Variants in LDB2 observed in about 807,000 individuals in gnomAD.
The protein encoded by LDB2 is LIM domain binding 2.
A neutral mutation model predicts 44.3 loss-of-function variants in LDB2; 12 were observed. The ratio of observed to expected loss-of-function variants is 0.27; its 90% confidence interval spans 0.17 to 0.44. The LOEUF (loss-of-function observed/expected upper bound fraction) is 0.44. LDB2 is among the 20% of genes least tolerant of loss of function. The pLI is 1.00. For missense variants in LDB2, 344 were observed against 473.5 expected (o/e 0.73, Z 2.54); for synonymous variants, 164 against 174.8 (o/e 0.94, Z 0.49).
At chr4:16,575,227 C>T (rs745868458) in intron 5 of LDB2, among the ~76,000 whole-genome samples, 17 of 152,014 alleles carry the variant, frequency 1.1e-4, no homozygotes, top group Non-Finnish European at 2.2e-4. Flanking sequence ...AGAAATTGTA[C>T]GTAACCTGAT....
intron 2 of LDB2, among the ~76,000 whole-genome samples, chr4:16,635,230 T>C (rs1733252743): frequency 6.6e-6 from 1 of 152,160 alleles, no homozygotes; most frequent in South Asian, 2.1e-4. Flanking sequence ...CCATGGCACA[T>C]GTATACCTAT....
intron 1 of LDB2, among the ~76,000 whole-genome samples, chr4:16,772,846 G>C (rs1771002631): frequency 2.0e-5 from 3 of 152,184 alleles, no homozygotes; most frequent in Non-Finnish European, 4.4e-5. Context: ...TTCACACATG[G>C]TTTAAAATAA....
At chr4:16,814,580 G>A (rs1780563092) in intron 1 of LDB2, among the ~76,000 whole-genome samples, 1 of 152,182 alleles carries the variant, frequency 6.6e-6, no homozygotes, top group Non-Finnish European at 1.5e-5. Context: ...CAAGTTAACA[G>A]GAGTCACATT....
chr4:16,800,843 C>T (rs1388317949), intron 1 of LDB2, among the ~76,000 whole-genome samples: 1 of 152,112 alleles, frequency 6.6e-6, no homozygotes, highest in Non-Finnish European at 1.5e-5. Context: ...GCCCGGCTAA[C>T]TTTTTGTATT....
intron 1 of LDB2, among the ~76,000 whole-genome samples, chr4:16,792,408 G>C (rs1235482779): frequency 2.0e-5 from 3 of 152,162 alleles, no homozygotes; most frequent in African/African-American, 7.2e-5. Flanking sequence ...AATTTGATCT[G>C]ACTTCAGTCT....
At chr4:16,820,752 GA>G (rs200920075) in intron 1 of LDB2, among the ~76,000 whole-genome samples, 9 of 149,432 alleles carry the variant, frequency 6.0e-5, no homozygotes, top group East Asian at 3.9e-4. Context: ...AATTTTGAGA[GA>G]AAAAAAAACA....
intron 5 of LDB2, among the ~76,000 whole-genome samples, chr4:16,529,886 AT>A (rs1456570160): frequency 6.6e-6 from 1 of 152,206 alleles, no homozygotes; most frequent in Non-Finnish European, 1.5e-5. Flanking sequence ...CCATTCAGGC[AT>A]TGAGTCTCTA....
At chr4:16,803,920 G>A (rs1484587286) in intron 1 of LDB2, among the ~76,000 whole-genome samples, 2 of 152,150 alleles carry the variant, frequency 1.3e-5, no homozygotes, top group Non-Finnish European at 2.9e-5. Context: ...AAATCAGCCA[G>A]GTTTTGAGAA....
intron 2 of LDB2, among the ~76,000 whole-genome samples, chr4:16,724,000 A>G (rs976107266): frequency 1.3e-5 from 2 of 152,082 alleles, no homozygotes; most frequent in African/African-American, 2.4e-5. Flanking sequence ...ATCTTTCATC[A>G]ATTCATCTCC....
intron 2 of LDB2, chr4:16,750,703 C>T (rs559661177): frequency 6.6e-6 from 1 of 152,278 alleles, no homozygotes; most frequent in South Asian, 2.1e-4. Flanking sequence ...ACACAGGATG[C>T]TCAGTTAAAC....
chr4:16,770,131 C>T (rs1406189188), intron 1 of LDB2, among the ~76,000 whole-genome samples: 5 of 152,074 alleles, frequency 3.3e-5, no homozygotes, highest in African/African-American at 4.8e-5. Flanking sequence ...TTTTTTGCTA[C>T]CAGACTTATT....
At chr4:16,532,694 A>G (rs959628895) in intron 5 of LDB2, among the ~76,000 whole-genome samples, 10 of 152,166 alleles carry the variant, frequency 6.6e-5, no homozygotes, top group African/African-American at 2.4e-4. Flanking sequence ...ACCCTAATAG[A>G]CCATGTCTGT....
intron 2 of LDB2, among the ~76,000 whole-genome samples, chr4:16,729,722 G>A (rs370074671): frequency 7.2e-5 from 11 of 152,280 alleles, no homozygotes; most frequent in African/African-American, 2.6e-4. Flanking sequence ...TGAGCAAGCT[G>A]ATGTATTTTA....
chr4:16,523,423 A>T (rs1057378682), intron 5 of LDB2, among the ~76,000 whole-genome samples: 9 of 152,150 alleles, frequency 5.9e-5, no homozygotes, highest in African/African-American at 2.2e-4. Context: ...TTTACCTTTC[A>T]CTTACAAGAA....
rs1715023209 is a variant in LDB2, at chr4:16,582,333, C to T, written c.615+3589G>A. Among the ~76,000 whole-genome samples, 1 of 152,182 alleles carries T rather than the reference C, an allele frequency of 6.6e-6. No homozygotes were observed. The highest frequency in any genetic ancestry group is 1.5e-5 in the Non-Finnish European group (1 of 68,040). On this transcript the variant is annotated intron_variant, in intron 5 of 7. Transcript: ENST00000304523. This position sits in a 1 kb window ranked among gnomAD's most constrained non-coding sequence, Gnocchi z 4.8. The stretch of plus-strand genomic sequence containing the variant: ...AGGCTCCACAGCCAGGTCTCATTGA[C>T]CCGGATGGCCCAATGCGCACTAAAC...
intron 1 of LDB2, among the ~76,000 whole-genome samples, chr4:16,842,288 A>C (rs1283339161): frequency 6.6e-6 from 1 of 152,196 alleles, no homozygotes; most frequent in Non-Finnish European, 1.5e-5. Flanking sequence ...TGTTCAATGA[A>C]AGGAGAAAGT....
intron 1 of LDB2, among the ~76,000 whole-genome samples, chr4:16,887,107 G>A (rs1721975267): frequency 1.3e-5 from 2 of 150,486 alleles, no homozygotes; most frequent in African/African-American, 4.9e-5. Flanking sequence ...GGAGATATGG[G>A]CTTGGAATAC....
At chr4:16,760,806 T>C (rs1767739521) in intron 1 of LDB2, among the ~76,000 whole-genome samples, 1 of 152,154 alleles carries the variant, frequency 6.6e-6, no homozygotes, top group Non-Finnish European at 1.5e-5. Flanking sequence ...GGCTTGGAAG[T>C]GGAGGAATCT....
chr4:16,578,823 A>G (rs1253221548), intron 5 of LDB2, among the ~76,000 whole-genome samples: 1 of 152,226 alleles, frequency 6.6e-6, no homozygotes, highest in East Asian at 1.9e-4. Flanking sequence ...ATGAATAAAG[A>G]AAATATGGCA....
Sources: allele counts gnomAD v4.1 joint callset (sites outside exome capture counted in the v4.1 genomes callset), GRCh38; gene constraint gnomAD v4.1.1; non-coding constraint Gnocchi (gnomAD v3.1); transcripts MANE v1.5; gene names NCBI Gene and HGNC (gene_info 2026-07-23, HGNC 2026-07-21).